TBC1D22A: variants seen among roughly 807,000 people sequenced by gnomAD.
TBC1D22A encodes the protein putative GTPase activator.
A neutral mutation model predicts 60.2 loss-of-function variants in TBC1D22A; 38 were observed. That is an observed-to-expected ratio of 0.63 (90% CI 0.49 to 0.83). TBC1D22A has a LOEUF of 0.83. Ranked by LOEUF, TBC1D22A falls within the 40% of genes least tolerant of loss-of-function variation. The pLI is 0.00. For synonymous variants in TBC1D22A, 302 were observed against 281.7 expected, an observed-to-expected ratio of 1.07 and a Z score of -0.72; for missense variants, 628 against 701.0, an observed-to-expected ratio of 0.90 and a Z score of 1.18.
At chr22:46,778,599 A>C (rs1250233310) in intron 1 of TBC1D22A, among the ~76,000 whole-genome samples, 1 of 152,116 alleles carries the variant, frequency 6.6e-6, no homozygotes, top group East Asian at 1.9e-4. Context: ...GGGCAATAAC[A>C]TGCATGGAAT....
intron 4 of TBC1D22A, among the ~76,000 whole-genome samples, chr22:46,816,727 A>G (rs961837098): frequency 1.8e-4 from 28 of 151,954 alleles, no homozygotes; most frequent in African/African-American, 6.3e-4. Flanking sequence ...ATCAATCCCC[A>G]TGACCAAAAT....
chr22:46,941,870 G>GTATAGAATA, intron 8 of TBC1D22A, among the ~76,000 whole-genome samples: 2 of 66,048 alleles, frequency 3.0e-5, no homozygotes, highest in Non-Finnish European at 7.2e-5. Flanking sequence ...TAGAATATAT[G>GTATAGAATA]TGTATAGAAT....
chr22:47,034,462 T>G (rs2062587980), intron 10 of TBC1D22A, among the ~76,000 whole-genome samples: 1 of 106,920 alleles, frequency 9.4e-6, no homozygotes, highest in Non-Finnish European at 1.9e-5. Flanking sequence ...ACAGCTCCTG[T>G]GCTCCCGTGG....
At chr22:47,060,151 G>T (rs547838586) in intron 11 of TBC1D22A, among the ~76,000 whole-genome samples, 12 of 152,216 alleles carry the variant, frequency 7.9e-5, no homozygotes, top group African/African-American at 2.4e-4. Context: ...ATTAAAACCA[G>T]GATGCCAGAA....
intron 8 of TBC1D22A, among the ~76,000 whole-genome samples, chr22:46,926,617 G>A (rs1392999378): frequency 1.3e-5 from 2 of 152,142 alleles, no homozygotes; most frequent in East Asian, 1.9e-4. Context: ...TTAAATCGGT[G>A]GACTTTGAGT....
chr22:46,961,820 C>T (rs1467847613), intron 8 of TBC1D22A, among the ~76,000 whole-genome samples: 7 of 152,162 alleles, frequency 4.6e-5, no homozygotes, highest in South Asian at 2.1e-4. Flanking sequence ...CAATTGATGG[C>T]GTCACCAGCG....
intron 8 of TBC1D22A, among the ~76,000 whole-genome samples, chr22:46,971,637 C>T (rs1414178932): frequency 6.6e-6 from 1 of 152,222 alleles, no homozygotes; most frequent in Non-Finnish European, 1.5e-5. Flanking sequence ...GTAGGAAAGG[C>T]GTTACGAGGG....
rs756170434 is a variant in TBC1D22A, at chr22:47,037,107, G to GA, written c.1239dup (p.Tyr414IlefsTer32). 5.0e-6 allele frequency: 8 copies of GA among 1,613,996 alleles called. No individual in the cohort carries two copies. The highest frequency in any genetic ancestry group is 6.8e-6 in the Non-Finnish European group (8 of 1,179,892). ...CGGCACCTGGACCAACACGAAGTGA[G>GA]ATACCTGCAGTTTGCCTTCCGCTGG... is the stretch of plus-strand genomic sequence containing the variant. On this transcript the variant is annotated frameshift_variant, in exon 11 of 13. Coordinates refer to ENST00000337137, the MANE Select transcript of TBC1D22A (RefSeq NM_014346.5). LOFTEE classifies it high-confidence loss of function.
chr22:47,000,422 C>T (rs1356441460), intron 10 of TBC1D22A, among the ~76,000 whole-genome samples: 1 of 152,178 alleles, frequency 6.6e-6, no homozygotes, highest in Non-Finnish European at 1.5e-5. Context: ...TTCTTCCTAT[C>T]TTGAGTAGTA....
chr22:47,137,799 C>T (rs994391201), intron 12 of TBC1D22A, among the ~76,000 whole-genome samples: 1 of 152,078 alleles, frequency 6.6e-6, no homozygotes, highest in African/African-American at 2.4e-5. Flanking sequence ...GTGTGGGGTC[C>T]CTGCCAGTGG....
At chr22:47,087,828 C>T (rs998726081) in intron 11 of TBC1D22A, among the ~76,000 whole-genome samples, 1 of 152,142 alleles carries the variant, frequency 6.6e-6, no homozygotes, top group African/African-American at 2.4e-5. Context: ...GTAATCCCAG[C>T]ACTTTAGAAG....
intron 7 of TBC1D22A, among the ~76,000 whole-genome samples, chr22:46,900,824 C>T (rs2068952794): frequency 6.6e-6 from 1 of 152,128 alleles, no homozygotes; most frequent in African/African-American, 2.4e-5. Context: ...CTAATTTTTG[C>T]CCATTACAAA....
At chr22:46,815,285 G>C (rs6007969) in intron 4 of TBC1D22A, among the ~76,000 whole-genome samples, 1 of 152,198 alleles carries the variant, frequency 6.6e-6, no homozygotes, top group Non-Finnish European at 1.5e-5. Flanking sequence ...TTGTTCACTC[G>C]TGTTGTCTTG....
Position 47,032,992 on chromosome 22 carries a change from C to T in TBC1D22A, c.1202-4079C>T, listed in dbSNP as rs905854164. Among the ~76,000 whole-genome samples the T allele has an allele frequency of 4.6e-5, 7 of 152,360 alleles. 1 individual carries two copies. In the East Asian group the frequency reaches 1.4e-3, roughly 29 times the overall value. ...GATTTTCCTCTGGGGCTGTCGCTGT[C>T]GTCCTGGCTGCTCTTCCCCAAGTAG... On this transcript the variant is annotated intron_variant, in intron 10 of 12. Transcript: ENST00000337137.
chr22:46,887,190 A>G (rs1602319061), intron 5 of TBC1D22A, among the ~76,000 whole-genome samples: 2 of 152,254 alleles, frequency 1.3e-5, no homozygotes, highest in East Asian at 1.9e-4. Context: ...ATCTGTACTC[A>G]TACTTCACAG....
chr22:46,904,146 C>CTATCTATCTATCTATCTAT (rs1555937562), intron 7 of TBC1D22A, among the ~76,000 whole-genome samples: 1 of 45,392 alleles, frequency 2.2e-5, no homozygotes, highest in African/African-American at 6.0e-5. Flanking sequence ...TATCTATCTA[C>CTATCTATCTATCTATCTAT]CTACCTACCT....
chr22:46,989,759 T>A (rs887332144), intron 9 of TBC1D22A, among the ~76,000 whole-genome samples: 4 of 146,066 alleles, frequency 2.7e-5, no homozygotes, highest in African/African-American at 1.0e-4. Flanking sequence ...TGTGACAGAG[T>A]CACACACACA....
chr22:47,119,871 G>A (rs1057147292), intron 12 of TBC1D22A, among the ~76,000 whole-genome samples: 2 of 152,084 alleles, frequency 1.3e-5, no homozygotes, highest in East Asian at 1.9e-4. Context: ...TCAAGGCGTC[G>A]GCCTCTGGTG....
intron 8 of TBC1D22A, among the ~76,000 whole-genome samples, chr22:46,926,729 T>C (rs1486684409): frequency 6.6e-6 from 1 of 152,208 alleles, no homozygotes; most frequent in Non-Finnish European, 1.5e-5. Context: ...GGAATTCTTC[T>C]CAAGACTGCC....
Sources: allele counts gnomAD v4.1 joint callset (sites outside exome capture counted in the v4.1 genomes callset), GRCh38; gene constraint gnomAD v4.1.1; transcripts MANE v1.5; gene names NCBI Gene and HGNC (gene_info 2026-07-23, HGNC 2026-07-21).